The following B4GALT2 variants were observed in gnomAD, a reference collection of about 807,000 sequenced individuals.
The protein encoded by B4GALT2 is N-acetyllactosamine synthase.
Under a neutral mutation model 33.2 loss-of-function variants are expected in B4GALT2, and 18 were observed. The observed-to-expected ratio is 0.54, with a 90% CI of 0.38 to 0.80. B4GALT2 has a LOEUF of 0.80. Among genes scored for constraint, B4GALT2 ranks in the 30% least tolerant of loss-of-function variants. The probability of loss-of-function intolerance (pLI) is 0.00; values close to 1 mark genes in which losing one functional copy is unlikely to be tolerated. For synonymous variants in B4GALT2, 214 were observed against 217.6 expected (o/e 0.98, Z 0.15); for missense variants, 404 against 526.2 (o/e 0.77, Z 2.27).
intron 5 of B4GALT2, 31 bp downstream of exon 5, chr1:43,985,431 G>T (rs1438922952): frequency 1.8e-6 from 2 of 1,096,226 alleles, no homozygotes; most frequent in East Asian, 2.8e-5. Context: ...GAATAGGCTG[G>T]GTGGGGGGGG....
At chr1:43,980,398 C>T (rs1218549781) in intron 1 of B4GALT2, 2 of 355,226 alleles carry the variant, frequency 5.6e-6, no homozygotes, top group Non-Finnish European at 8.4e-6. Context: ...AGGGGTGTCC[C>T]CTGCCTTGCC....
chr1:43,981,415 C>A lies in B4GALT2; in HGVS notation c.255C>A (p.Ala85=). The A allele has an allele frequency of 6.3e-7, 1 of 1,595,544 alleles. No individual in the cohort carries two copies. The highest frequency in any genetic ancestry group is 8.5e-7 in the Non-Finnish European group (1 of 1,177,290). The change falls in exon 2 of 7, where the codon GCC becomes GCA. Residue 85 remains alanine (A), a synonymous_variant. Coordinates refer to ENST00000372324, the MANE Select transcript of B4GALT2 (RefSeq NM_003780.5). This position sits in a 1 kb window ranked among gnomAD's most constrained non-coding sequence, Gnocchi z 8.1. ...CCGGGCTCCCTGAGGTCCCCAGTGC[C>A]CTGCCCGGTCCCACGGCTCCCACGC... The part of the protein sequence containing the change: ...SSSGLPEVPS[A]LPGPTAPTLP...
At position 43,979,984 on chromosome 1, in the gene B4GALT2, G is replaced by A. The variant is rs1479309415; in HGVS notation, c.-53+473G>A. On this transcript the variant is annotated intron_variant, in intron 1 of 6. Transcript: ENST00000372324. This position sits in a 1 kb window ranked among gnomAD's most constrained non-coding sequence, Gnocchi z 4.8. The stretch of plus-strand genomic sequence containing the variant: ...GTGGGAATGTCTGCACGTGGGTCTG[G>A]GTGTGAGCTGTCTGAGAGTCTGGAT... The A allele has an allele frequency of 5.2e-5, 79 of 1,527,708 alleles. No individual in the cohort carries two copies. Among genetic ancestry groups the A allele is most frequent in the Non-Finnish European group, 6.7e-5 (77 of 1,142,850 alleles). 94.6% of individuals were successfully genotyped at this position (1,527,708 alleles called of 1,614,324 possible). A position where few individuals can be genotyped will look rare whatever the true frequency, so the allele number is the denominator to read the frequency against.
At chr1:43,990,188 TG>T in intron 6 of B4GALT2, 109 bp from the exon 7 acceptor site, 1 of 1,393,514 alleles carries the variant, frequency 7.2e-7, no homozygotes, top group Non-Finnish European at 9.9e-7. Flanking sequence ...TAAGGTTCCC[TG>T]GGGTCCCCTT....
Position 43,981,638 on chromosome 1 carries a change from A to G in B4GALT2, c.314-51A>G, listed in dbSNP as rs1265908915. 1 of 1,561,298 alleles carries G rather than the reference A, an allele frequency of 6.4e-7. No homozygotes were observed. Among genetic ancestry groups the G allele is most frequent in the African/African-American group, 1.4e-5 (1 of 73,880 alleles). ...CCCCAGGCTGAGGGTGGGGGCTGGT[A>G]TCTGTGGATTCTGGCCAATGCCCTG... On this transcript the variant is annotated intron_variant, in intron 2 of 6. Coordinates refer to ENST00000372324, the MANE Select transcript of B4GALT2 (RefSeq NM_003780.5). The surrounding 1 kb of genome is among the most constrained non-coding windows in gnomAD (Gnocchi z 8.1).
Position 43,985,448 on chromosome 1 carries a change from G to C in B4GALT2, c.863+48G>C, listed in dbSNP as rs368757291. 1.7e-4 allele frequency: 149 copies of C among 855,294 alleles called. 7 individuals are homozygous for C. The highest frequency in any genetic ancestry group is 7.7e-4 in the South Asian group (49 of 63,904). The allele number at this position is 855,294 out of a possible 1,614,324, so 53.0% of individuals were successfully genotyped here. A position where few individuals can be genotyped will look rare whatever the true frequency, so the allele number is the denominator to read the frequency against. ...ATAGGCTGGGTGGGGGGGGGAGGGG[G>C]GGTGCAGACTGGGTGGGGTTCTTTG... On this transcript the variant is annotated intron_variant, in intron 5 of 6. Coordinates refer to ENST00000372324, the MANE Select transcript of B4GALT2 (RefSeq NM_003780.5).
At chr1:43,980,267 C>G in intron 1 of B4GALT2, 1 of 508,876 alleles carries the variant, frequency 2.0e-6, no homozygotes, top group Non-Finnish European at 3.3e-6. Flanking sequence ...TCCTGCCATG[C>G]CCAGTGCTGT....
rs1430906136 is a variant in B4GALT2 at position 43,984,877 on chromosome 1, A to G, written c.562A>G (p.Thr188Ala). The change falls in exon 4 of 7, where the codon ACC (threonine) becomes GCC (alanine). Residue 188 changes from threonine (T) to alanine (A), a missense_variant. Transcript: ENST00000372324. This position sits in a 1 kb window ranked among gnomAD's most constrained non-coding sequence, Gnocchi z 5.6. ...TCCCCCTACCCAGCATGGTGAGGAC[A>G]CCTTCAACCGGGCCAAGCTGCTTAA... ...VYVINQHGED[T>A]FNRAKLLNVG... The G allele has an allele frequency of 6.2e-7, 1 of 1,613,712 alleles. No homozygotes were observed.
chr1:43,989,843 TTATTTA>T (rs2085705399), intron 6 of B4GALT2, among the ~76,000 whole-genome samples: 1 of 152,186 alleles, frequency 6.6e-6, no homozygotes, highest in African/African-American at 2.4e-5. Context: ...TTTTTTTCTA[TTATTTA>T]TATTACCACA....
Position 43,979,915 on chromosome 1 carries a change from G to A in B4GALT2, c.-53+404G>A. The A allele has an allele frequency of 6.9e-7, 1 of 1,439,312 alleles. No individual in the cohort carries two copies. The highest frequency in any genetic ancestry group is 9.3e-7 in the Non-Finnish European group (1 of 1,070,322). The allele number at this position is 1,439,312 out of a possible 1,614,324, so 89.2% of individuals were successfully genotyped here. A position where few individuals can be genotyped will look rare whatever the true frequency, so the allele number is the denominator to read the frequency against. On this transcript the variant is annotated intron_variant, in intron 1 of 6. Transcript: ENST00000372324. This position sits in a 1 kb window ranked among gnomAD's most constrained non-coding sequence, Gnocchi z 4.8. ...CAGCCCCGCCCAAACGCACCCCTCA[G>A]CCTGGCCGCCAGCCTGACCCAGAAC... is the stretch of plus-strand genomic sequence containing the variant.
chr1:43,985,441 G>GT (rs771988865), intron 5 of B4GALT2, 41 bp downstream of exon 5: 1 of 506,620 alleles, frequency 2.0e-6, no homozygotes, highest in African/African-American at 2.2e-5. Flanking sequence ...GGTGGGGGGG[G>GT]GAGGGGGGGT....
At position 43,990,559 on chromosome 1, in the gene B4GALT2, T is replaced by C; in HGVS notation, c.*111T>C. ...CTCCAGGACTGAGACTGGGCTCTGTTTTCCAAGGGTCTTCACTAGGCCCCC... is the reference window on the plus strand; with the variant it reads ...CTCCAGGACTGAGACTGGGCTCTGTCTTCCAAGGGTCTTCACTAGGCCCCC... On this transcript the variant is annotated 3_prime_UTR_variant, in exon 7 of 7. Coordinates refer to ENST00000372324, the MANE Select transcript of B4GALT2 (RefSeq NM_003780.5). 1 of 1,455,292 alleles carries C rather than the reference T, an allele frequency of 6.9e-7. No individual in the cohort carries two copies. Among genetic ancestry groups the C allele is most frequent in the South Asian group, 1.2e-5 (1 of 81,388 alleles). 90.1% of individuals were successfully genotyped at this position (1,455,292 alleles called of 1,614,324 possible). A position where few individuals can be genotyped will look rare whatever the true frequency, so the allele number is the denominator to read the frequency against.
Position 43,979,766 on chromosome 1 carries a change from A to G in B4GALT2, c.-53+255A>G, listed in dbSNP as rs2085573234. ...GCCTCGTGGCGCGGGGAGGCGTTCC[A>G]TACACGTTTCCCCTTGGCCTTTGCC... On this transcript the variant is annotated intron_variant, in intron 1 of 6. Coordinates refer to ENST00000372324, the MANE Select transcript of B4GALT2 (RefSeq NM_003780.5). This position sits in a 1 kb window ranked among gnomAD's most constrained non-coding sequence, Gnocchi z 4.8. 1 of 453,278 alleles carries G rather than the reference A, an allele frequency of 2.2e-6. No individual in the cohort carries two copies. The highest frequency in any genetic ancestry group is 4.0e-6 in the Non-Finnish European group (1 of 252,338). The allele number at this position is 453,278 out of a possible 1,614,324, so 28.1% of individuals were successfully genotyped here.
chr1:43,979,911 C>A lies in B4GALT2; in HGVS notation c.-53+400C>A. Reference sequence around the variant, plus strand: ...CTGCCAGCCCCGCCCAAACGCACCCCTCAGCCTGGCCGCCAGCCTGACCCA... The same window carrying A: ...CTGCCAGCCCCGCCCAAACGCACCCATCAGCCTGGCCGCCAGCCTGACCCA... On this transcript the variant is annotated intron_variant, in intron 1 of 6. Transcript: ENST00000372324. This position sits in a 1 kb window ranked among gnomAD's most constrained non-coding sequence, Gnocchi z 4.8. 1.4e-6 allele frequency: 2 copies of A among 1,410,778 alleles called. No individual in the cohort carries two copies. The highest frequency in any genetic ancestry group is 1.3e-5 in the South Asian group (1 of 78,308). 87.4% of individuals were successfully genotyped at this position (1,410,778 alleles called of 1,614,324 possible). A position where few individuals can be genotyped will look rare whatever the true frequency, so the allele number is the denominator to read the frequency against.
intron 1 of B4GALT2, chr1:43,980,654 C>T (rs2085583808): frequency 3.2e-6 from 3 of 935,912 alleles, no homozygotes; most frequent in South Asian, 4.6e-5. Flanking sequence ...CTTCCCCAAG[C>T]CATGAGTTCT....
intron 6 of B4GALT2, among the ~76,000 whole-genome samples, chr1:43,988,710 G>A (rs2085687995): frequency 6.6e-6 from 1 of 152,002 alleles, no homozygotes. Flanking sequence ...AGCCGGACGT[G>A]GTGGTGTGCA....
chr1:43,981,014 G>A lies in B4GALT2; in HGVS notation c.-52-95G>A. ...TATGAGCAGGTCAGTGTGAGGTGTG[G>A]CCCACGAGTGTGAGCAGCTGAGTGG... On this transcript the variant is annotated intron_variant, in intron 1 of 6. Coordinates refer to ENST00000372324, the MANE Select transcript of B4GALT2 (RefSeq NM_003780.5). The surrounding 1 kb of genome is among the most constrained non-coding windows in gnomAD (Gnocchi z 8.1). 2 of 1,423,752 alleles carry A rather than the reference G, an allele frequency of 1.4e-6. No individual in the cohort carries two copies. The highest frequency in any genetic ancestry group is 9.3e-7 in the Non-Finnish European group (1 of 1,079,260). The allele number at this position is 1,423,752 out of a possible 1,614,324, so 88.2% of individuals were successfully genotyped here.
At position 43,982,771 on chromosome 1, in the gene B4GALT2, C is replaced by T. The variant is rs565313182; in HGVS notation, c.549+847C>T. On this transcript the variant is annotated intron_variant, in intron 3 of 6. Coordinates refer to ENST00000372324, the MANE Select transcript of B4GALT2 (RefSeq NM_003780.5). The surrounding 1 kb of genome is among the most constrained non-coding windows in gnomAD (Gnocchi z 4.3). ...GTCCAGCGCAAAAGTGACAGGGCAC[C>T]ATGTAAGGTTGTAAGGAGAGAGTGA... Among the ~76,000 whole-genome samples, 2 of 152,246 alleles carry T rather than the reference C, an allele frequency of 1.3e-5. 1 individual carries two copies. Among genetic ancestry groups the T allele is most frequent in the South Asian group, 4.1e-4 (2 of 4,832 alleles).
chr1:43,985,936 A>G (rs945696359), intron 6 of B4GALT2: 3 of 406,022 alleles, frequency 7.4e-6, no homozygotes, highest in African/African-American at 4.1e-5. Context: ...TTGCATTCCT[A>G]TTGGTGCCCT....
Sources: gnomAD v4.1 joint callset for allele counts (sites outside exome capture counted in the v4.1 genomes callset) on GRCh38, gnomAD v4.1.1 for gene constraint, Gnocchi (gnomAD v3.1) non-coding constraint, MANE v1.5 for transcripts, NCBI Gene and HGNC (gene_info 2026-07-23, HGNC 2026-07-21) for gene names.